Variants in ABCB11 observed in about 807,000 individuals in gnomAD.
ABCB11 encodes the protein bile salt export pump.
Under a neutral mutation model 148.0 loss-of-function variants are expected in ABCB11, and 95 were observed. The ratio of observed to expected loss-of-function variants is 0.64; its 90% confidence interval spans 0.54 to 0.76. ABCB11 has a LOEUF of 0.76. Ranked by LOEUF, ABCB11 falls within the 30% of genes least tolerant of loss-of-function variation. ABCB11 has a pLI of 0.00. For missense variants in ABCB11, 1,523 were observed against 1,617.8 expected, an observed-to-expected ratio of 0.94 and a Z score of 1.01; for synonymous variants, 591 against 555.4, an observed-to-expected ratio of 1.06 and a Z score of -0.90.
intron 8 of ABCB11, among the ~76,000 whole-genome samples, chr2:168,992,408 T>C (rs573972751): frequency 1.4e-5 from 2 of 142,210 alleles, no homozygotes; most frequent in Admixed American, 6.9e-5. Context: ...GATTAGTGTA[T>C]TCAGAAAAAA....
At chr2:168,951,760 C>T (rs1692580858) in intron 19 of ABCB11, among the ~76,000 whole-genome samples, 1 of 151,498 alleles carries the variant, frequency 6.6e-6, no homozygotes, top group Admixed American at 6.6e-5. Context: ...TGCCTGATTG[C>T]TCTGGCAAGG....
intron 17 of ABCB11, among the ~76,000 whole-genome samples, chr2:168,968,107 G>C (rs1693393509): frequency 7.1e-6 from 1 of 141,774 alleles, no homozygotes; most frequent in Admixed American, 7.0e-5. Flanking sequence ...AGTTAGCTTG[G>C]AGCAGAGGAA....
chr2:168,922,567 T>G lies in ABCB11; in HGVS notation c.*1055A>C, dbSNP rs1377928799. ...TTTCTAGGCTCCCCCAACTAACAGG[T>G]TACATTTTTGTTTTCTCTCATCTTG... On this transcript the variant is annotated 3_prime_UTR_variant, in exon 28 of 28. Transcript: ENST00000650372. Among the ~76,000 whole-genome samples the G allele has an allele frequency of 1.3e-5, 2 of 152,182 alleles. No individual in the cohort carries two copies. The highest frequency in any genetic ancestry group is 4.8e-5 in the African/African-American group (2 of 41,440).
At chr2:169,013,158 C>G in intron 5 of ABCB11, 114 bp downstream of exon 5, 1 of 717,832 alleles carries the variant, frequency 1.4e-6, no homozygotes, top group Non-Finnish European at 2.3e-6. Context: ...TGTTTCTATT[C>G]TCTTTGTGTT....
At chr2:168,994,969 A>C (rs1015223112) in intron 7 of ABCB11, among the ~76,000 whole-genome samples, 1 of 152,038 alleles carries the variant, frequency 6.6e-6, no homozygotes, top group Admixed American at 6.6e-5. Context: ...AATTCAGTTC[A>C]ATAGGGTTCG....
chr2:168,941,459 T>C (rs1279588012), intron 21 of ABCB11, among the ~76,000 whole-genome samples: 1 of 151,952 alleles, frequency 6.6e-6, no homozygotes, highest in African/African-American at 2.4e-5. Context: ...GTCATGAAAA[T>C]AGCAAGATAA....
chr2:168,930,898 A>G, intron 24 of ABCB11, 36 bp from the exon 25 acceptor site: 1 of 1,524,182 alleles, frequency 6.6e-7, no homozygotes, highest in Non-Finnish European at 8.9e-7. Context: ...AGATGCTCTT[A>G]CTGAAGCCTA....
Position 168,976,658 on chromosome 2 carries a change from A to G in ABCB11, c.1227T>C (p.Asp409=), listed in dbSNP as rs772316968. 9.3e-6 allele frequency: 15 copies of G among 1,611,318 alleles called. No homozygotes were observed. Among genetic ancestry groups the G allele is most frequent in the Non-Finnish European group, 1.3e-5 (15 of 1,178,058 alleles). Residue 409 remains aspartate, a synonymous_variant, in exon 12 of 28, where the codon GAT becomes GAC. Coordinates refer to ENST00000650372, the MANE Select transcript of ABCB11 (RefSeq NM_003742.4). ...RKPIIDCMSE[D]GYKLDRIKGE... Reference sequence around the variant, plus strand: ...CCTTGATTCGATCCAACTTGTAACCATCTTCTGACATGCAGTCAATGATGG... The same window carrying G: ...CCTTGATTCGATCCAACTTGTAACCGTCTTCTGACATGCAGTCAATGATGG...
chr2:168,970,525 C>T, intron 14 of ABCB11: 1 of 474,578 alleles, frequency 2.1e-6, no homozygotes. Flanking sequence ...AAATATCTAT[C>T]TCAGAGGATT....
intron 9 of ABCB11, among the ~76,000 whole-genome samples, chr2:168,988,990 T>C (rs1694425169): frequency 6.6e-6 from 1 of 152,146 alleles, no homozygotes; most frequent in Non-Finnish European, 1.5e-5. Flanking sequence ...TGTTTTCTTG[T>C]CATTGAGTTG....
chr2:169,014,966 C>T (rs1409631302), intron 3 of ABCB11, among the ~76,000 whole-genome samples: 1 of 152,122 alleles, frequency 6.6e-6, no homozygotes, highest in African/African-American at 2.4e-5. Flanking sequence ...TTGCTGTCAC[C>T]AGGAACTACT....
intron 1 of ABCB11, among the ~76,000 whole-genome samples, chr2:169,023,542 A>G (rs1695596548): frequency 1.3e-5 from 2 of 152,270 alleles, no homozygotes; most frequent in Non-Finnish European, 2.9e-5. Context: ...TTGATTCAAT[A>G]ATCTATAGAA....
intron 25 of ABCB11, among the ~76,000 whole-genome samples, chr2:168,930,060 T>G (rs1167530185): frequency 6.6e-6 from 1 of 152,074 alleles, no homozygotes; most frequent in Non-Finnish European, 1.5e-5. Flanking sequence ...TATTTGATTT[T>G]GTGACCTTCT....
In ABCB11 at chr2:168,968,549, G is replaced by A. The variant is rs1027932139; in HGVS notation, c.2012-59C>T. 10 of 1,362,338 alleles carry A rather than the reference G, an allele frequency of 7.3e-6. No homozygotes were observed. The Admixed American group carries it at 2.0e-4, about 28-fold the overall frequency. 84.4% of individuals were successfully genotyped at this position (1,362,338 alleles called of 1,614,324 possible). ...ATACAATAAACAGAACCATATCCAA[G>A]TAGAATTCTTTACTATGTTTGCTTA... On this transcript the variant is annotated intron_variant, in intron 16 of 27. Coordinates refer to ENST00000650372, the MANE Select transcript of ABCB11 (RefSeq NM_003742.4).
In ABCB11 at chr2:168,921,999, C is replaced by T. The variant is rs939785788; in HGVS notation, c.*1623G>A. 6.6e-6 allele frequency among the ~76,000 whole-genome samples: 1 copy of T among 151,958 alleles called. No individual in the cohort carries two copies. Among genetic ancestry groups the T allele is most frequent in the Non-Finnish European group, 1.5e-5 (1 of 67,966 alleles). On this transcript the variant is annotated 3_prime_UTR_variant, in exon 28 of 28. Coordinates refer to ENST00000650372, the MANE Select transcript of ABCB11 (RefSeq NM_003742.4). ...GAGTAGCTGGGACTACAGGCGCCCG[C>T]CACCACGCCCGGCTAATTTTTTTGT...
intron 24 of ABCB11, 111 bp from the exon 25 acceptor site, chr2:168,930,973 C>T (rs924412304): frequency 4.2e-6 from 4 of 944,362 alleles, no homozygotes; most frequent in East Asian, 5.3e-5. Flanking sequence ...TCAAACCATG[C>T]TGCCAAAGTG....
Position 168,971,827 on chromosome 2 carries a change from G to GCT in ABCB11, c.1638+19_1638+20insAG. ...TCTATGACCTCTTAGTTTCTCCCAG[G>GCT]AATGTATGGCTAGGGGTACCTGTGG... On this transcript the variant is annotated intron_variant, in intron 14 of 27. Transcript: ENST00000650372. The GCT allele has an allele frequency of 6.2e-7, 1 of 1,609,396 alleles. No individual in the cohort carries two copies. Among genetic ancestry groups the GCT allele is most frequent in the Non-Finnish European group, 8.5e-7 (1 of 1,176,438 alleles).
chr2:168,950,138 T>C (rs57000974), intron 19 of ABCB11, among the ~76,000 whole-genome samples: 23,055 of 101,844 alleles, frequency 0.23, 2,188 homozygotes, highest in East Asian at 0.5. Flanking sequence ...CATATATATA[T>C]ATACACACAC....
chr2:169,020,599 C>T (rs1269390096), intron 1 of ABCB11, among the ~76,000 whole-genome samples: 2 of 152,052 alleles, frequency 1.3e-5, no homozygotes, highest in Non-Finnish European at 2.9e-5. Context: ...ACCTCAAAAT[C>T]ATGCTACGTG....
Sources: gnomAD v4.1 joint callset for allele counts (sites outside exome capture counted in the v4.1 genomes callset) on GRCh38, gnomAD v4.1.1 for gene constraint, MANE v1.5 for transcripts, NCBI Gene and HGNC (gene_info 2026-07-23, HGNC 2026-07-21) for gene names.